Variants in E2F2 observed in about 807,000 individuals in gnomAD.
E2F2 encodes transcription factor E2F2.
In E2F2, 22 loss-of-function variants were observed where a neutral mutation model predicts 42.2. The ratio of observed to expected loss-of-function variants is 0.52; its 90% confidence interval spans 0.37 to 0.74. E2F2 has a LOEUF of 0.74. Ranked by LOEUF, E2F2 falls within the 30% of genes least tolerant of loss-of-function variation. The pLI is 0.00. For synonymous variants in E2F2, 248 were observed against 251.6 expected (o/e 0.99, Z 0.13); for missense variants, 481 against 557.8 (o/e 0.86, Z 1.39).
At chr1:23,517,511 A>G (rs913891911) in intron 5 of E2F2, among the ~76,000 whole-genome samples, 3 of 152,186 alleles carry the variant, frequency 2.0e-5, no homozygotes, top group Non-Finnish European at 4.4e-5. Flanking sequence ...GAACTCCTCC[A>G]AGGGTGGGGG....
rs538970603 is a variant in E2F2 at position 23,508,757 on chromosome 1, G to A, written c.*1123C>T. On this transcript the variant is annotated 3_prime_UTR_variant, in exon 7 of 7. Transcript: ENST00000361729. ...GTCTGAGTGAGCTCTGAGGGGTGGA[G>A]TCCTTAATGAACCATCCCCTTCAAT... is the stretch of plus-strand genomic sequence containing the variant. 6.6e-6 allele frequency: 1 copy of A among 151,674 alleles called. No homozygotes were observed. Among genetic ancestry groups the A allele is most frequent in the East Asian group, 1.9e-4 (1 of 5,184 alleles). 9.4% of individuals were successfully genotyped at this position (151,674 alleles called of 1,614,324 possible).
chr1:23,517,983 A>G (rs577411992), intron 5 of E2F2, among the ~76,000 whole-genome samples: 12 of 152,106 alleles, frequency 7.9e-5, no homozygotes, highest in African/African-American at 2.9e-4. Context: ...CAGCCTGGAC[A>G]ACGTGGCAAA....
intron 2 of E2F2, among the ~76,000 whole-genome samples, chr1:23,523,026 A>G: frequency 6.6e-6 from 1 of 152,190 alleles, no homozygotes; most frequent in East Asian, 1.9e-4. Context: ...CTTTTACACA[A>G]GACAACTAAG....
At chr1:23,529,624 C>T (rs1390415897) in intron 1 of E2F2, among the ~76,000 whole-genome samples, 1 of 152,262 alleles carries the variant, frequency 6.6e-6, no homozygotes, top group Non-Finnish European at 1.5e-5. Flanking sequence ...GCTAGCCCCA[C>T]AGCCACCCTG....
In E2F2 at chr1:23,522,116, G is replaced by A. The variant is rs1295709536; in HGVS notation, c.359-60C>T. ...AGGGGAGGGCCCGCCCAGGACCCTC[G>A]TCCATTGACCTAGGCTCATTAAGTA... On this transcript the variant is annotated intron_variant, in intron 2 of 6. Transcript: ENST00000361729. 10 of 1,506,838 alleles carry A rather than the reference G, an allele frequency of 6.6e-6. No homozygotes were observed. In the African/African-American group the frequency reaches 9.6e-5, roughly 15 times the overall value. 93.3% of individuals were successfully genotyped at this position (1,506,838 alleles called of 1,614,324 possible).
chr1:23,530,455 C>A lies in E2F2; in HGVS notation c.252+87G>T. 6.5e-7 allele frequency: 1 copy of A among 1,529,824 alleles called. No homozygotes were observed. The highest frequency in any genetic ancestry group is 8.8e-7 in the Non-Finnish European group (1 of 1,140,034). 94.8% of individuals were successfully genotyped at this position (1,529,824 alleles called of 1,614,324 possible). On this transcript the variant is annotated intron_variant, in intron 1 of 6. Coordinates refer to ENST00000361729, the MANE Select transcript of E2F2 (RefSeq NM_004091.4). The surrounding 1 kb of genome is among the most constrained non-coding windows in gnomAD (Gnocchi z 4.4). Reference sequence around the variant, plus strand: ...CCCTCTTCCCAAAACTCTACCTGCTCCACTCAAACTGGATCTCAGGCACCC... The same window carrying A: ...CCCTCTTCCCAAAACTCTACCTGCTACACTCAAACTGGATCTCAGGCACCC...
At chr1:23,516,103 G>A (rs1456490944) in intron 6 of E2F2, among the ~76,000 whole-genome samples, 1 of 152,194 alleles carries the variant, frequency 6.6e-6, no homozygotes, top group African/African-American at 2.4e-5. Context: ...TCACATAGCT[G>A]GTAAGTGGAT....
chr1:23,530,826 T>C lies in E2F2; in HGVS notation c.-33A>G. 1 of 1,448,900 alleles carries C rather than the reference T, an allele frequency of 6.9e-7. No homozygotes were observed. Among genetic ancestry groups the C allele is most frequent in the East Asian group, 2.5e-5 (1 of 39,228 alleles). The allele number at this position is 1,448,900 out of a possible 1,614,324, so 89.8% of individuals were successfully genotyped here. On this transcript the variant is annotated 5_prime_UTR_variant, in exon 1 of 7. Coordinates refer to ENST00000361729, the MANE Select transcript of E2F2 (RefSeq NM_004091.4). The surrounding 1 kb of genome is among the most constrained non-coding windows in gnomAD (Gnocchi z 4.4). ...AAGGCGCCCCCTACCCAAAAGGGCTTGGCGCGCCCGCGGACACCTGCGGGT... is the reference window on the plus strand; with the variant it reads ...AAGGCGCCCCCTACCCAAAAGGGCTCGGCGCGCCCGCGGACACCTGCGGGT...
intron 4 of E2F2, among the ~76,000 whole-genome samples, chr1:23,520,243 C>CAAAAAAAAA (rs66460864): frequency 2.5e-5 from 2 of 78,870 alleles, no homozygotes; most frequent in Admixed American, 1.4e-4. Context: ...GACTCTGTCT[C>CAAAAAAAAA]AAAAAAAAAA....
chr1:23,521,911 G>A lies in E2F2; in HGVS notation c.504C>T (p.Arg168=), dbSNP rs746205166. The A allele has an allele frequency of 1.9e-6, 3 of 1,614,070 alleles. No homozygotes were observed. The East Asian group carries it at 6.7e-5, about 36-fold the overall frequency. ...CCAGCACGTTGGTGATGTCATAGAT[G>A]CGCCGCTTCTGCACGTCCAGCACCT... ...AAEVLDVQKR[R]IYDITNVLEG... Residue 168 remains arginine (R), a synonymous_variant, in exon 3 of 7, where the codon CGC becomes CGT. Transcript: ENST00000361729.
chr1:23,512,757 C>A (rs1478077061), intron 6 of E2F2, among the ~76,000 whole-genome samples: 4 of 152,046 alleles, frequency 2.6e-5, no homozygotes, highest in African/African-American at 9.7e-5. Flanking sequence ...ATGGCTCTTA[C>A]TGCTTTTCTG....
In E2F2 at chr1:23,509,606, C is replaced by G. The variant is rs1329082220; in HGVS notation, c.*274G>C. 2.3e-6 allele frequency: 1 copy of G among 438,350 alleles called. No individual in the cohort carries two copies. Among genetic ancestry groups the G allele is most frequent in the South Asian group, 1.1e-4 (1 of 9,454 alleles). 27.2% of individuals were successfully genotyped at this position (438,350 alleles called of 1,614,324 possible). ...CTGGACTTGGCCACCTCACCTGCAG[C>G]CTTCTTGTGAGAGGTCAGAAGTCAG... On this transcript the variant is annotated 3_prime_UTR_variant, in exon 7 of 7. Transcript: ENST00000361729.
chr1:23,523,483 A>T (rs1316951046), intron 2 of E2F2, among the ~76,000 whole-genome samples: 1 of 152,124 alleles, frequency 6.6e-6, no homozygotes, highest in African/African-American at 2.4e-5. Context: ...TGAAAATATC[A>T]AGAGGCAGCA....
intron 3 of E2F2, among the ~76,000 whole-genome samples, chr1:23,521,421 G>C (rs1244870064): frequency 6.6e-6 from 1 of 152,122 alleles, no homozygotes; most frequent in African/African-American, 2.4e-5. Flanking sequence ...TAGAAATGGA[G>C]AGAGGAGGCT....
At position 23,509,519 on chromosome 1, in the gene E2F2, T is replaced by C. The variant is rs192875674; in HGVS notation, c.*361A>G. On this transcript the variant is annotated 3_prime_UTR_variant, in exon 7 of 7. Transcript: ENST00000361729. ...ACCTGAAATAAATACAAAGGCATTA[T>C]GTGCTTCTTGGTACGTCGAGGGTCC... The C allele has an allele frequency of 5.9e-4, 111 of 189,264 alleles. No individual in the cohort carries two copies. Among genetic ancestry groups the C allele is most frequent in the African/African-American group, 2.5e-3 (106 of 43,076 alleles). 11.7% of individuals were successfully genotyped at this position (189,264 alleles called of 1,614,324 possible).
chr1:23,506,131 C>A (rs1642791032), downstream of E2F2, among the ~76,000 whole-genome samples: 1 of 152,108 alleles, frequency 6.6e-6, no homozygotes, highest in South Asian at 2.1e-4. Context: ...TACAGTTGGA[C>A]CCACTGATGT....
At chr1:23,517,513 G>C (rs1643047122) in intron 5 of E2F2, among the ~76,000 whole-genome samples, 1 of 152,174 alleles carries the variant, frequency 6.6e-6, no homozygotes, top group Non-Finnish European at 1.5e-5. Context: ...ACTCCTCCAA[G>C]GGTGGGGGCA....
chr1:23,521,581 G>A (rs2124245714), intron 3 of E2F2: 2 of 984,976 alleles, frequency 2.0e-6, no homozygotes, highest in Non-Finnish European at 2.4e-6. Flanking sequence ...CCTCCCAGAT[G>A]TCATTCTCCA....
intron 1 of E2F2, among the ~76,000 whole-genome samples, chr1:23,526,137 T>C (rs969432982): frequency 6.6e-6 from 1 of 152,072 alleles, no homozygotes; most frequent in Non-Finnish European, 1.5e-5. Context: ...ATCCAAACAC[T>C]TTACTGCTCA....
Sources: allele counts gnomAD v4.1 joint callset (sites outside exome capture counted in the v4.1 genomes callset), GRCh38; gene constraint gnomAD v4.1.1; non-coding constraint Gnocchi (gnomAD v3.1); transcripts MANE v1.5; gene names NCBI Gene and HGNC (gene_info 2026-07-23, HGNC 2026-07-21).